SEPTIN1: variants seen among roughly 807,000 people sequenced by gnomAD.
SEPTIN1 encodes the protein septin 1.
Under a neutral mutation model 50.7 loss-of-function variants are expected in SEPTIN1, and 52 were observed. The observed-to-expected ratio is 1.03, with a 90% CI of 0.82 to 1.29. The LOEUF (loss-of-function observed/expected upper bound fraction) is 1.29. Ranked by LOEUF, SEPTIN1 falls within the 50% of genes most tolerant of loss-of-function variation. The pLI is 0.00. For missense variants in SEPTIN1, 455 were observed against 490.7 expected (o/e 0.93, Z 0.69); for synonymous variants, 204 against 189.1 (o/e 1.08, Z -0.65).
Position 30,378,418 on chromosome 16 carries a change from C to CGGGCG in SEPTIN1, c.*11_*15dup. Reference sequence around the variant, plus strand: ...ACTGAAGGCGGAGCCGAGGTAAGGCCGGGCGGGGCGTGGCCTCAGAGGGCG... The same window carrying CGGGCG: ...ACTGAAGGCGGAGCCGAGGTAAGGCCGGGCGGGGCGGGGCGTGGCCTCAGAGGGCG... On this transcript the variant is annotated 3_prime_UTR_variant, in exon 11 of 11. Coordinates refer to ENST00000321367, the MANE Select transcript of SEPTIN1 (RefSeq NM_001365977.2). The CGGGCG allele has an allele frequency of 1.3e-6, 2 of 1,554,700 alleles. No homozygotes were observed. Among genetic ancestry groups the CGGGCG allele is most frequent in the Non-Finnish European group, 1.7e-6 (2 of 1,160,996 alleles).
Position 30,379,057 on chromosome 16 carries a change from C to T in SEPTIN1, c.902G>A (p.Ser301Asn). The change falls in exon 9 of 11, where the codon AGC (serine) becomes AAC (asparagine). Residue 301 changes from serine to asparagine, a missense_variant. Ser to Asn is a conservative substitution (Grantham distance 46). Transcript: ENST00000321367. ...YEGYRARCLQ[S>N]LARPGARDRA... ...ATCGCGAGCCCCAGGCCGGGCCAGG[C>T]TCTGTAGGCAGCGGGCCCGGTAGCC... The T allele has an allele frequency of 1.2e-6, 2 of 1,613,948 alleles. No individual in the cohort carries two copies. The highest frequency in any genetic ancestry group is 1.7e-6 in the Non-Finnish European group (2 of 1,179,974).
rs1456422199 is a variant in SEPTIN1 at position 30,382,306 on chromosome 16, C to A, written c.78G>T (p.Lys26Asn). 1 of 1,613,746 alleles carries A rather than the reference C, an allele frequency of 6.2e-7. No individual in the cohort carries two copies. The highest frequency in any genetic ancestry group is 8.5e-7 in the Non-Finnish European group (1 of 1,179,828). ...CCATTAGCGTGAAGTCAAACCCCTT[C>A]TTGACAGACTTGCGGTGCAGCTGGT... ...LPNQLHRKSV[K>N]KGFDFTLMVA... The change falls in exon 2 of 11, where the codon AAG becomes AAT. Residue 26 changes from lysine (K) to asparagine (N), a missense_variant. Transcript: ENST00000321367. The surrounding 1 kb of genome is among the most constrained non-coding windows in gnomAD (Gnocchi z 4.8).
At chr16:30,378,811 TC>T (rs2049791177) in intron 9 of SEPTIN1, 111 bp from the exon 10 acceptor site, 1 of 989,098 alleles carries the variant, frequency 1.0e-6, no homozygotes, top group African/African-American at 1.8e-5. Context: ...CGGAGCCAGT[TC>T]CTTGAGGTTA....
chr16:30,379,666 T>TTTTTTTTTG (rs2049814819), intron 7 of SEPTIN1, 132 bp from the exon 8 acceptor site: 2 of 615,998 alleles, frequency 3.2e-6, no homozygotes, highest in African/African-American at 4.7e-5. Context: ...TTTTTTTTTT[T>TTTTTTTTTG]GAGACAGGGT....
In SEPTIN1 at chr16:30,381,041, A is replaced by C; in HGVS notation, c.573+86T>G. 1 of 1,099,230 alleles carries C rather than the reference A, an allele frequency of 9.1e-7. No homozygotes were observed. Among genetic ancestry groups the C allele is most frequent in the Non-Finnish European group, 1.4e-6 (1 of 713,788 alleles). The allele number at this position is 1,099,230 out of a possible 1,614,324, so 68.1% of individuals were successfully genotyped here. On this transcript the variant is annotated intron_variant, in intron 6 of 10. Coordinates refer to ENST00000321367, the MANE Select transcript of SEPTIN1 (RefSeq NM_001365977.2). The surrounding 1 kb of genome is among the most constrained non-coding windows in gnomAD (Gnocchi z 4.3). ...TCTAGCCTGATGCACCATGCTCCAG[A>C]AAGGCCACTTCAAGATCAAAGAAGT...
Position 30,379,176 on chromosome 16 carries a change from G to A in SEPTIN1, c.783C>T (p.Asn261=), listed in dbSNP as rs1406076337. The change falls in exon 9 of 11, where the codon AAC becomes AAT. Residue 261 remains asparagine, a synonymous_variant. Transcript: ENST00000321367. ...GGTTCAGGAAATCGCAGTGATGTGG[G>A]TTCTCCACTGGAGGGGGGGCGGCGC... ...RYSWGTVEVE[N]PHHCDFLNLR... 5.0e-6 allele frequency: 8 copies of A among 1,614,136 alleles called. No homozygotes were observed. In the East Asian group the frequency reaches 1.6e-4, roughly 31 times the overall value.
Position 30,381,591 on chromosome 16 carries a change from G to A in SEPTIN1, c.321-118C>T. On this transcript the variant is annotated intron_variant, in intron 4 of 10. Transcript: ENST00000321367. This position sits in a 1 kb window ranked among gnomAD's most constrained non-coding sequence, Gnocchi z 4.3. ...TTTGGCTCCCTCCAAAGACATTAAG[G>A]GGAACTGGTGGGGGCCTAGGTGAGT... 1 of 1,467,170 alleles carries A rather than the reference G, an allele frequency of 6.8e-7. No homozygotes were observed. The highest frequency in any genetic ancestry group is 1.2e-5 in the South Asian group (1 of 80,278). The allele number at this position is 1,467,170 out of a possible 1,614,324, so 90.9% of individuals were successfully genotyped here. A position where few individuals can be genotyped will look rare whatever the true frequency, so the allele number is the denominator to read the frequency against.
In SEPTIN1 at chr16:30,381,973, T is replaced by A; in HGVS notation, c.197-90A>T. The A allele has an allele frequency of 1.2e-6, 2 of 1,604,654 alleles. No individual in the cohort carries two copies. The highest frequency in any genetic ancestry group is 1.7e-6 in the Non-Finnish European group (2 of 1,174,090). ...AATATCACAGTTGCCTGCACCCATT[T>A]CCCAGGGGAGGAAAGTCTCAGAAAA... On this transcript the variant is annotated intron_variant, in intron 3 of 10. Transcript: ENST00000321367. This position sits in a 1 kb window ranked among gnomAD's most constrained non-coding sequence, Gnocchi z 4.3.
chr16:30,378,400 GCGGAGC>G lies in SEPTIN1; in HGVS notation c.*28_*33del. On this transcript the variant is annotated 3_prime_UTR_variant, in exon 11 of 11. Coordinates refer to ENST00000321367, the MANE Select transcript of SEPTIN1 (RefSeq NM_001365977.2). ...GGATTGGACAAGAGGCCGACTGAAG[GCGGAGC>G]CGAGGTAAGGCCGGGCGGGGCGTGG... is the stretch of plus-strand genomic sequence containing the variant. 6.5e-7 allele frequency: 1 copy of G among 1,529,548 alleles called. No homozygotes were observed. The highest frequency in any genetic ancestry group is 8.7e-7 in the Non-Finnish European group (1 of 1,147,756). 94.7% of individuals were successfully genotyped at this position (1,529,548 alleles called of 1,614,324 possible).
chr16:30,378,463 C>A lies in SEPTIN1; in HGVS notation c.1090G>T (p.Ala364Ser). Reference sequence around the variant, plus strand: ...AGGGCGTCTGACTGCTCGCCCTGGGCCTGGCTCTGCTGCATTTGGGCCTGC... The same window carrying A: ...AGGGCGTCTGACTGCTCGCCCTGGGACTGGCTCTGCTGCATTTGGGCCTGC... Reference protein sequence around the residue: ...KMQAQMQQSQAQGEQSDAL With the variant: ...KMQAQMQQSQSQGEQSDAL The change falls in exon 11 of 11, where the codon GCC (alanine) becomes TCC (serine). Residue 364 changes from alanine (A) to serine (S), a missense_variant. Ala to Ser is a moderately conservative substitution (Grantham distance 99). Coordinates refer to ENST00000321367, the MANE Select transcript of SEPTIN1 (RefSeq NM_001365977.2). 6.3e-7 allele frequency: 1 copy of A among 1,575,594 alleles called. No homozygotes were observed. Among genetic ancestry groups the A allele is most frequent in the South Asian group, 1.1e-5 (1 of 88,794 alleles).
Position 30,381,258 on chromosome 16 carries a change from T to G in SEPTIN1, c.456-14A>C, listed in dbSNP as rs1374505158. On this transcript the variant is annotated splice_polypyrimidine_tract_variant and intron_variant, in intron 5 of 10. Transcript: ENST00000321367. This position sits in a 1 kb window ranked among gnomAD's most constrained non-coding sequence, Gnocchi z 4.3. ...AGGGGCCGGAGCCTGCACCCAGGGA[T>G]TGGTCATTGCCCAGCCTCAGGGGGC... is the stretch of plus-strand genomic sequence containing the variant. The G allele has an allele frequency of 3.7e-6, 6 of 1,613,502 alleles. No homozygotes were observed. In the Admixed American group the frequency reaches 5.0e-5, roughly 13 times the overall value.
At chr16:30,380,993 T>C in intron 6 of SEPTIN1, 134 bp downstream of exon 6, 1 of 788,142 alleles carries the variant, frequency 1.3e-6, no homozygotes, top group African/African-American at 1.7e-5. Context: ...ACCACCCGCC[T>C]TCCTCAGAAG....
In SEPTIN1 at chr16:30,381,645, C is replaced by T. The variant is rs953678269; in HGVS notation, c.320+115G>A. On this transcript the variant is annotated intron_variant, in intron 4 of 10. Transcript: ENST00000321367. The surrounding 1 kb of genome is among the most constrained non-coding windows in gnomAD (Gnocchi z 4.3). Reference sequence around the variant, plus strand: ...CAAGAAGCACAGGGACCCAGTGGCCCTCTGAAACAGACACCACCTTTTGAG... The same window carrying T: ...CAAGAAGCACAGGGACCCAGTGGCCTTCTGAAACAGACACCACCTTTTGAG... 6.6e-7 allele frequency: 1 copy of T among 1,525,356 alleles called. No individual in the cohort carries two copies. The highest frequency in any genetic ancestry group is 1.9e-5 in the Admixed American group (1 of 52,834). 94.5% of individuals were successfully genotyped at this position (1,525,356 alleles called of 1,614,324 possible).
At position 30,379,191 on chromosome 16, in the gene SEPTIN1, G is replaced by C. The variant is rs113348440; in HGVS notation, c.776-8C>G. ...AGTGATGTGGGTTCTCCACTGGAGG[G>C]GGGGCGGCGCGGACCAGCGAACGTC... On this transcript the variant is annotated splice_region_variant and splice_polypyrimidine_tract_variant and intron_variant, in intron 8 of 10. Transcript: ENST00000321367. 8.7e-6 allele frequency: 14 copies of C among 1,613,602 alleles called. No homozygotes were observed. The highest frequency in any genetic ancestry group is 6.7e-5 in the African/African-American group (5 of 74,934).
chr16:30,382,370 G>A lies in SEPTIN1; in HGVS notation c.19-5C>T, dbSNP rs41292382. On this transcript the variant is annotated splice_polypyrimidine_tract_variant and splice_region_variant and intron_variant, in intron 1 of 10. Coordinates refer to ENST00000321367, the MANE Select transcript of SEPTIN1 (RefSeq NM_001365977.2). The surrounding 1 kb of genome is among the most constrained non-coding windows in gnomAD (Gnocchi z 4.8). ...AAAACCCACGTACTCCTTGTCCTAT[G>A]GATGGGGGTGGACAATATGAGGCTG... The A allele has an allele frequency of 6.2e-7, 1 of 1,606,658 alleles. No individual in the cohort carries two copies. Among genetic ancestry groups the A allele is most frequent in the Non-Finnish European group, 8.5e-7 (1 of 1,175,328 alleles).
chr16:30,379,364 T>G, intron 8 of SEPTIN1, 71 bp downstream of exon 8: 1 of 1,469,670 alleles, frequency 6.8e-7, no homozygotes, highest in East Asian at 2.3e-5. Context: ...CAACTTCACA[T>G]GTTGAGTGCG....
In SEPTIN1 at chr16:30,378,540, A is replaced by G. The variant is rs765282344; in HGVS notation, c.1033-20T>C. On this transcript the variant is annotated intron_variant, in intron 10 of 10. Coordinates refer to ENST00000321367, the MANE Select transcript of SEPTIN1 (RefSeq NM_001365977.2). ...GCGCAGCTGTGCAGGGCGAGATTGC[A>G]GGCGGTGACCTGGCGAAGCCAGAGG... is the stretch of plus-strand genomic sequence containing the variant. 2.5e-6 allele frequency: 4 copies of G among 1,600,028 alleles called. No homozygotes were observed. The highest frequency in any genetic ancestry group is 3.4e-6 in the Non-Finnish European group (4 of 1,173,660).
rs200931464 is a variant in SEPTIN1 at position 30,381,098 on chromosome 16, G to A, written c.573+29C>T. On this transcript the variant is annotated intron_variant, in intron 6 of 10. Transcript: ENST00000321367. This position sits in a 1 kb window ranked among gnomAD's most constrained non-coding sequence, Gnocchi z 4.3. Reference sequence around the variant, plus strand: ...TGAAATCAGGTTTGGCTTCACATGGGGTCAAAGGTCAGAGGTCATCACTCA... The same window carrying A: ...TGAAATCAGGTTTGGCTTCACATGGAGTCAAAGGTCAGAGGTCATCACTCA... The A allele has an allele frequency of 9.0e-6, 14 of 1,550,536 alleles. No homozygotes were observed. The highest frequency in any genetic ancestry group is 2.2e-5 in the East Asian group (1 of 44,598).
Position 30,381,977 on chromosome 16 carries a change from A to G in SEPTIN1, c.197-94T>C. ...TCACAGTTGCCTGCACCCATTTCCC[A>G]GGGGAGGAAAGTCTCAGAAAAAAAG... On this transcript the variant is annotated intron_variant, in intron 3 of 10. Transcript: ENST00000321367. This position sits in a 1 kb window ranked among gnomAD's most constrained non-coding sequence, Gnocchi z 4.3. 1 of 1,603,570 alleles carries G rather than the reference A, an allele frequency of 6.2e-7. No homozygotes were observed. The highest frequency in any genetic ancestry group is 8.5e-7 in the Non-Finnish European group (1 of 1,173,360).
Sources: gnomAD v4.1 joint callset for allele counts on GRCh38, gnomAD v4.1.1 for gene constraint, Gnocchi (gnomAD v3.1) non-coding constraint, MANE v1.5 for transcripts, NCBI Gene and HGNC (gene_info 2026-07-23, HGNC 2026-07-21) for gene names.